The following DDX21 variants were observed in gnomAD, a reference collection of about 807,000 sequenced individuals.
DDX21 encodes DExD-box helicase 21, also known as nucleolar RNA helicase 2.
DDX21 carries 18 observed loss-of-function variants against 90.0 expected under a neutral mutation model. That is an observed-to-expected ratio of 0.20 (90% CI 0.14 to 0.30). The LOEUF is 0.30. Ranked by LOEUF, DDX21 falls within the 10% of genes least tolerant of loss-of-function variation. The pLI, the probability that DDX21 is intolerant of heterozygous loss-of-function variation, is 1.00. For missense variants in DDX21, 673 were observed against 944.5 expected (o/e 0.71, Z 3.77); for synonymous variants, 294 against 318.0 (o/e 0.92, Z 0.80).
At chr10:68,963,888 C>G (rs1203384900) in intron 4 of DDX21, among the ~76,000 whole-genome samples, 2 of 151,946 alleles carry the variant, frequency 1.3e-5, no homozygotes, top group Non-Finnish European at 2.9e-5. Flanking sequence ...ATCACGAGGT[C>G]AGGAGATCGA....
In DDX21 at chr10:68,981,544, G is replaced by C; in HGVS notation, c.2045G>C (p.Cys682Ser). The change falls in exon 14 of 15, where the codon TGC becomes TCC. Residue 682 changes from cysteine to serine, a missense_variant. Cys to Ser is a moderately radical substitution (Grantham distance 112, BLOSUM62 -1). This residue lies in a region of DDX21 where 225 missense variants were observed against 298.8 expected (regional missense o/e 0.75). Coordinates refer to ENST00000354185, the MANE Select transcript of DDX21 (RefSeq NM_004728.4). Reference protein sequence around the residue: ...MVFLKGKLGVCFDVPTASVTE... With the variant: ...MVFLKGKLGVSFDVPTASVTE... ...ATTTGCTTTGATTTCTAGGGTGTTT[G>C]CTTTGATGTACCTACCGCATCAGTA... is the stretch of plus-strand genomic sequence containing the variant. 6.2e-7 allele frequency: 1 copy of C among 1,612,866 alleles called. No homozygotes were observed. The highest frequency in any genetic ancestry group is 8.5e-7 in the Non-Finnish European group (1 of 1,179,622).
chr10:68,981,675 C>G, intron 14 of DDX21, 94 bp downstream of exon 14: 1 of 1,112,988 alleles, frequency 9.0e-7, no homozygotes, highest in Non-Finnish European at 1.3e-6. Flanking sequence ...AACAATAGTT[C>G]TGGTTCCTTT....
At chr10:68,969,599 TTCA>T (rs769767197) in intron 7 of DDX21, among the ~76,000 whole-genome samples, 3 of 152,206 alleles carry the variant, frequency 2.0e-5, no homozygotes, top group African/African-American at 2.4e-5. Context: ...TTTTTAAAAT[TTCA>T]TCATCTATGG....
intron 2 of DDX21, 69 bp downstream of exon 2, chr10:68,960,318 C>A: frequency 6.9e-7 from 1 of 1,443,606 alleles, no homozygotes; most frequent in Non-Finnish European, 9.3e-7. Context: ...TAGGTAACTG[C>A]TATATGTACT....
intron 13 of DDX21, among the ~76,000 whole-genome samples, 158 bp from the exon 14 acceptor site, chr10:68,981,379 T>G (rs762422191): frequency 2.0e-5 from 3 of 152,250 alleles, no homozygotes; most frequent in Non-Finnish European, 2.9e-5. Context: ...GCAGCTATAA[T>G]GTATTAGCTT....
chr10:68,966,686 C>T (rs1842943029), intron 5 of DDX21, among the ~76,000 whole-genome samples: 1 of 151,910 alleles, frequency 6.6e-6, no homozygotes, highest in Non-Finnish European at 1.5e-5. Context: ...CATGATCCAC[C>T]CACCTTGGCC....
chr10:68,970,417 C>A, intron 8 of DDX21, 67 bp downstream of exon 8: 2 of 1,471,312 alleles, frequency 1.4e-6, no homozygotes, highest in Non-Finnish European at 1.8e-6. Flanking sequence ...GGCATATCTG[C>A]TCTTGGTCTG....
At chr10:68,968,225 A>G (rs1842968127) in intron 6 of DDX21, among the ~76,000 whole-genome samples, 1 of 150,854 alleles carries the variant, frequency 6.6e-6, no homozygotes, top group African/African-American at 2.4e-5. Flanking sequence ...GCTATAGTAC[A>G]GTGGCACCAT....
In DDX21 at chr10:68,958,670, C is replaced by G. The variant is rs138984939; in HGVS notation, c.88-1136C>G. On this transcript the variant is annotated intron_variant, in intron 1 of 14. Coordinates refer to ENST00000354185, the MANE Select transcript of DDX21 (RefSeq NM_004728.4). ...GCCAGGATGGTCTCCTTCTCCTGAC[C>G]TCGTGATTCGCCCTCCTTGGCCTCC... is the stretch of plus-strand genomic sequence containing the variant. Among the ~76,000 whole-genome samples, 322 of 152,256 alleles carry G rather than the reference C, an allele frequency of 2.1e-3. 2 individuals are homozygous for G. Among genetic ancestry groups the G allele is most frequent in the African/African-American group, 7.4e-3 (308 of 41,566 alleles).
At chr10:68,957,593 T>C (rs1172025764) in intron 1 of DDX21, among the ~76,000 whole-genome samples, 2 of 152,200 alleles carry the variant, frequency 1.3e-5, no homozygotes, top group Non-Finnish European at 2.9e-5. Context: ...CTGGTTTACA[T>C]TGCATCAGTC....
intron 11 of DDX21, among the ~76,000 whole-genome samples, chr10:68,976,235 AAG>A (rs143535386): frequency 0.071 from 10,783 of 151,524 alleles, 498 homozygotes; most frequent in African/African-American, 0.12. Context: ...AAAAAAAAGA[AAG>A]AGGGAAGGAA....
chr10:68,967,278 ACT>A (rs1842952266), intron 6 of DDX21, 75 bp downstream of exon 6: 2 of 1,437,180 alleles, frequency 1.4e-6, no homozygotes, highest in Non-Finnish European at 1.9e-6. Context: ...GGTTCAAGTG[ACT>A]CTCATGCCTC....
chr10:68,979,672 TCAGGTTTC>T (rs948579277), intron 13 of DDX21, among the ~76,000 whole-genome samples: 4 of 152,214 alleles, frequency 2.6e-5, no homozygotes, highest in Non-Finnish European at 5.9e-5. Flanking sequence ...CTAAAAGATC[TCAGGTTTC>T]CAGGTTTCCA....
chr10:68,973,627 A>C lies in DDX21; in HGVS notation c.1631A>C (p.Lys544Thr), dbSNP rs1323164408. 4 of 1,614,064 alleles carry C rather than the reference A, an allele frequency of 2.5e-6. No individual in the cohort carries two copies. The highest frequency in any genetic ancestry group is 3.4e-6 in the Non-Finnish European group (4 of 1,180,022). Residue 544 changes from lysine to threonine, a missense_variant, in exon 10 of 15, where the codon AAG (lysine) becomes ACG (threonine). Lys to Thr is a moderately conservative substitution (Grantham distance 78). Coordinates refer to ENST00000354185, the MANE Select transcript of DDX21 (RefSeq NM_004728.4). ...TGVCICFYQH[K>T]EEYQLVQVEQ... ...GTGTGCATCTGCTTTTATCAGCACA[A>C]GGAAGAATATCAGTTAGTACAAGTG...
chr10:68,962,549 A>G (rs1325820399), intron 3 of DDX21, among the ~76,000 whole-genome samples: 1 of 152,174 alleles, frequency 6.6e-6, no homozygotes, highest in Non-Finnish European at 1.5e-5. Flanking sequence ...CCAGGAGTTC[A>G]AGGCTTCAGT....
intron 1 of DDX21, among the ~76,000 whole-genome samples, chr10:68,958,927 G>A (rs1233187252): frequency 1.3e-5 from 2 of 152,048 alleles, no homozygotes; most frequent in Non-Finnish European, 2.9e-5. Flanking sequence ...GCAAAGTGCA[G>A]AATTCCTGTT....
chr10:68,956,302 A>C lies in DDX21; in HGVS notation c.77A>C (p.Gln26Pro). 6.2e-7 allele frequency: 1 copy of C among 1,614,224 alleles called. No homozygotes were observed. Among genetic ancestry groups the C allele is most frequent in the Non-Finnish European group, 8.5e-7 (1 of 1,180,030 alleles). Residue 26 changes from glutamine (Q) to proline (P), a missense_variant, in exon 1 of 15, where the codon CAA (glutamine) becomes CCA (proline). Transcript: ENST00000354185. ...AMKKGETLRK[Q>P]TEEKEKKEKP... ...AAAAAAGGGGAGACACTGCGAAAGCAAACCGAGGAGGTGAAACGGAGGGAC... is the reference window on the plus strand; with the variant it reads ...AAAAAAGGGGAGACACTGCGAAAGCCAACCGAGGAGGTGAAACGGAGGGAC...
intron 11 of DDX21, among the ~76,000 whole-genome samples, chr10:68,975,948 C>A (rs1211143043): frequency 2.0e-5 from 3 of 151,608 alleles, no homozygotes; most frequent in African/African-American, 7.3e-5. Context: ...ACTTGGGAGG[C>A]TGAGGCAGGA....
At chr10:68,965,285 G>A (rs981332338) in intron 4 of DDX21, 92 bp from the exon 5 acceptor site, 2 of 959,228 alleles carry the variant, frequency 2.1e-6, no homozygotes, top group Admixed American at 4.1e-5. Flanking sequence ...CCTTGTTCAA[G>A]TCGTTCTTTT....
Sources: gnomAD v4.1 joint callset for allele counts (sites outside exome capture counted in the v4.1 genomes callset) on GRCh38, gnomAD v4.1.1 for gene constraint, gnomAD v4.1.1 regional missense constraint, MANE v1.5 for transcripts, NCBI Gene and HGNC (gene_info 2026-07-23, HGNC 2026-07-21) for gene names.